AGPAT3: variants seen among roughly 807,000 people sequenced by gnomAD.
AGPAT3 encodes 1-acylglycerol-3-phosphate O-acyltransferase 3.
A neutral mutation model predicts 47.3 loss-of-function variants in AGPAT3; 5 were observed. That is an observed-to-expected ratio of 0.11 (90% CI 0.06 to 0.22). The LOEUF (loss-of-function observed/expected upper bound fraction) is 0.22, where lower values mean the gene tolerates loss of function less well. AGPAT3 is among the 10% of genes least tolerant of loss of function. The pLI is 1.00. For synonymous variants in AGPAT3, 212 were observed against 208.3 expected (o/e 1.02, Z -0.15); for missense variants, 315 against 493.0 (o/e 0.64, Z 3.42).
intron 2 of AGPAT3, among the ~76,000 whole-genome samples, chr21:43,950,279 T>A (rs1302293561): frequency 6.6e-6 from 1 of 152,236 alleles, no homozygotes; most frequent in African/African-American, 2.4e-5. Flanking sequence ...GTATTGAGGC[T>A]ACACAATCGT....
At chr21:43,866,176 T>G (rs1284998138) in intron 1 of AGPAT3, among the ~76,000 whole-genome samples, 1 of 150,178 alleles carries the variant, frequency 6.7e-6, no homozygotes, top group Non-Finnish European at 1.5e-5. Flanking sequence ...GAAAATGCTT[T>G]TATAAATGGC....
chr21:43,957,311 G>A (rs535387665), intron 2 of AGPAT3, among the ~76,000 whole-genome samples: 1 of 152,196 alleles, frequency 6.6e-6, no homozygotes, highest in Non-Finnish European at 1.5e-5. Context: ...CACAGTGGGG[G>A]CAGCTGGCGG....
intron 2 of AGPAT3, 148 bp from the exon 3 acceptor site, chr21:43,959,485 TG>T (rs960903912): frequency 1.3e-5 from 9 of 670,982 alleles, no homozygotes; most frequent in Non-Finnish European, 1.8e-5. Flanking sequence ...TGTATGTGTG[TG>T]GCACGTGTGT....
chr21:43,977,447 G>T (rs533731162), intron 7 of AGPAT3, among the ~76,000 whole-genome samples: 23 of 152,196 alleles, frequency 1.5e-4, no homozygotes, highest in Non-Finnish European at 2.6e-4. Context: ...TAAATCACTC[G>T]TGGGCACCCT....
intron 2 of AGPAT3, among the ~76,000 whole-genome samples, chr21:43,917,778 G>A (rs1199597382): frequency 6.7e-6 from 1 of 148,340 alleles, no homozygotes; most frequent in African/African-American, 2.6e-5. Flanking sequence ...GTGTTGGGGT[G>A]TTGTGGGTAT....
chr21:43,971,617 G>T, intron 7 of AGPAT3, 127 bp downstream of exon 7: 1 of 813,662 alleles, frequency 1.2e-6, no homozygotes, highest in Non-Finnish European at 2.0e-6. Flanking sequence ...GAACTCACAC[G>T]GAAGGCCTGT....
intron 2 of AGPAT3, among the ~76,000 whole-genome samples, chr21:43,907,246 C>T (rs1348379597): frequency 6.6e-6 from 1 of 151,950 alleles, no homozygotes; most frequent in African/African-American, 2.4e-5. Context: ...CCAGGCTGAT[C>T]TTGAACTCCT....
At chr21:43,963,971 A>G (rs1025692691) in intron 3 of AGPAT3, among the ~76,000 whole-genome samples, 4 of 152,194 alleles carry the variant, frequency 2.6e-5, no homozygotes, top group African/African-American at 7.2e-5. Context: ...CTTCACTTCA[A>G]TATTTTTTAA....
At chr21:43,968,825 T>C (rs1481018479) in intron 4 of AGPAT3, among the ~76,000 whole-genome samples, 2 of 152,140 alleles carry the variant, frequency 1.3e-5, no homozygotes, top group Non-Finnish European at 2.9e-5. Flanking sequence ...AAAGCCCCTG[T>C]GTGAGGCAGC....
chr21:43,947,695 T>TC (rs2087964134), intron 2 of AGPAT3, among the ~76,000 whole-genome samples: 3 of 150,668 alleles, frequency 2.0e-5, no homozygotes, highest in African/African-American at 7.3e-5. Flanking sequence ...TTCTTTTCTT[T>TC]TTTTTTTTTT....
Position 43,913,795 on chromosome 21 carries a change from T to C in AGPAT3, c.-49+9776T>C, listed in dbSNP as rs531072526. ...GAATCCCGCAGGGCACAGCCGGCCC[T>C]GCAGCAGAGTTATCCCATCCAAAAT... On this transcript the variant is annotated intron_variant, in intron 2 of 9. Transcript: ENST00000291572. Among the ~76,000 whole-genome samples, 161 of 152,290 alleles carry C rather than the reference T, an allele frequency of 1.1e-3. 2 individuals are homozygous for C. Among genetic ancestry groups the C allele is most frequent in the African/African-American group, 3.7e-3 (154 of 41,548 alleles).
At chr21:43,913,440 G>A (rs553778578) in intron 2 of AGPAT3, among the ~76,000 whole-genome samples, 15 of 152,188 alleles carry the variant, frequency 9.9e-5, no homozygotes, top group African/African-American at 3.4e-4. Context: ...ACAAAAATTA[G>A]CCAGGCATGG....
rs2089844387 is a variant in AGPAT3, at chr21:43,981,361, C to G, written c.1042+174C>G. On this transcript the variant is annotated intron_variant, in intron 9 of 9. Coordinates refer to ENST00000291572, the MANE Select transcript of AGPAT3 (RefSeq NM_020132.5). This position sits in a 1 kb window ranked among gnomAD's most constrained non-coding sequence, Gnocchi z 5.3. ...GCGGGCCTCAGAGCCTGGATTCTTG[C>G]ACTGAGCTGAGGGTCGCCTCCCCAG... 1 of 724,748 alleles carries G rather than the reference C, an allele frequency of 1.4e-6. No individual in the cohort carries two copies. The allele number at this position is 724,748 out of a possible 1,614,324, so 44.9% of individuals were successfully genotyped here.
intron 1 of AGPAT3, among the ~76,000 whole-genome samples, chr21:43,892,223 C>T (rs2086116774): frequency 6.6e-6 from 1 of 151,768 alleles, no homozygotes; most frequent in Non-Finnish European, 1.5e-5. Context: ...AGGAGAATCG[C>T]TTGAATCTGG....
At chr21:43,963,707 C>CAAA (rs10582784) in intron 3 of AGPAT3, among the ~76,000 whole-genome samples, 20 of 65,694 alleles carry the variant, frequency 3.0e-4, no homozygotes, top group Admixed American at 5.1e-4. Flanking sequence ...GACTCTGTCT[C>CAAA]AAAAAAAAAA....
At chr21:43,938,281 G>A (rs996952175) in intron 2 of AGPAT3, among the ~76,000 whole-genome samples, 1 of 149,626 alleles carries the variant, frequency 6.7e-6, no homozygotes, top group Non-Finnish European at 1.5e-5. Context: ...GGAACGTACT[G>A]AGGATTAGAA....
chr21:43,984,402 A>G lies in AGPAT3; in HGVS notation c.*2010A>G, dbSNP rs936129491. The G allele has an allele frequency of 6.6e-6, 1 of 152,426 alleles. No individual in the cohort carries two copies. The highest frequency in any genetic ancestry group is 1.5e-5 in the Non-Finnish European group (1 of 68,196). 9.4% of individuals were successfully genotyped at this position (152,426 alleles called of 1,614,324 possible). A position where few individuals can be genotyped will look rare whatever the true frequency, so the allele number is the denominator to read the frequency against. On this transcript the variant is annotated 3_prime_UTR_variant, in exon 10 of 10. Coordinates refer to ENST00000291572, the MANE Select transcript of AGPAT3 (RefSeq NM_020132.5). Reference sequence around the variant, plus strand: ...TTAAGGAAAAAAGCTGAAGGGTACGACCATGCACATATGTGACCTGGAAAA... The same window carrying G: ...TTAAGGAAAAAAGCTGAAGGGTACGGCCATGCACATATGTGACCTGGAAAA...
chr21:43,967,868 G>A, intron 3 of AGPAT3, 78 bp from the exon 4 acceptor site: 2 of 1,440,176 alleles, frequency 1.4e-6, no homozygotes, highest in South Asian at 1.3e-5. Flanking sequence ...AAATACTGTA[G>A]GTGTCTCCTG....
Position 43,923,504 on chromosome 21 carries a change from C to T in AGPAT3, c.-49+19485C>T, listed in dbSNP as rs527681623. Among the ~76,000 whole-genome samples, 56 of 152,326 alleles carry T rather than the reference C, an allele frequency of 3.7e-4. 1 individual carries two copies. The South Asian group carries it at 3.7e-3, about 10-fold the overall frequency. On this transcript the variant is annotated intron_variant, in intron 2 of 9. Transcript: ENST00000291572. ...GCCCTCCAATTCCATTGAGTTCTGA[C>T]GCGTCAGATCCCCCAGGGCCAGGGC...
Sources: allele counts gnomAD v4.1 joint callset (sites outside exome capture counted in the v4.1 genomes callset), GRCh38; gene constraint gnomAD v4.1.1; non-coding constraint Gnocchi (gnomAD v3.1); transcripts MANE v1.5; gene names NCBI Gene and HGNC (gene_info 2026-07-23, HGNC 2026-07-21).